TBC1D4: variants seen among roughly 807,000 people sequenced by gnomAD.
The protein encoded by TBC1D4 is TBC (Tre-2, BUB2, CDC16) domain-containing protein.
A neutral mutation model predicts 142.5 loss-of-function variants in TBC1D4; 121 were observed. That is an observed-to-expected ratio of 0.85 (90% CI 0.73 to 0.99). The LOEUF (loss-of-function observed/expected upper bound fraction) is 0.99. Ranked by LOEUF, TBC1D4 falls within the 50% of genes least tolerant of loss-of-function variation. The pLI is 0.00. For missense variants in TBC1D4, 1,475 were observed against 1,606.6 expected (o/e 0.92, Z 1.40); for synonymous variants, 630 against 628.2 (o/e 1.00, Z -0.04).
At chr13:75,415,705 G>A (rs1246956362) in intron 1 of TBC1D4, among the ~76,000 whole-genome samples, 1 of 152,146 alleles carries the variant, frequency 6.6e-6, no homozygotes, top group Non-Finnish European at 1.5e-5. Flanking sequence ...CTTGAAATCG[G>A]AGACATAAAG....
At chr13:75,290,218 A>T (rs1875147049) in intron 19 of TBC1D4, among the ~76,000 whole-genome samples, 1 of 152,126 alleles carries the variant, frequency 6.6e-6, no homozygotes, top group African/African-American at 2.4e-5. Flanking sequence ...ATGTAATACA[A>T]AGTTTCAAAG....
intron 1 of TBC1D4, among the ~76,000 whole-genome samples, chr13:75,379,487 T>A (rs1190938052): frequency 6.6e-6 from 1 of 152,190 alleles, no homozygotes. Context: ...TCTGTCACAA[T>A]GCCTAACATG....
intron 1 of TBC1D4, among the ~76,000 whole-genome samples, chr13:75,378,655 T>C (rs548168535): frequency 2.7e-5 from 4 of 150,842 alleles, no homozygotes; most frequent in African/African-American, 9.8e-5. Context: ...ATTCAATAAT[T>C]CTTATTCTCA....
chr13:75,454,136 C>T (rs1887638034), intron 1 of TBC1D4, among the ~76,000 whole-genome samples: 1 of 151,908 alleles, frequency 6.6e-6, no homozygotes, highest in African/African-American at 2.4e-5. Flanking sequence ...ATCTTCCTAC[C>T]TCAGCCCCCT....
chr13:75,351,511 T>C (rs1372126009), intron 4 of TBC1D4, among the ~76,000 whole-genome samples: 4 of 152,130 alleles, frequency 2.6e-5, no homozygotes, highest in African/African-American at 9.7e-5. Flanking sequence ...GTTGGTGTGC[T>C]GCACCCATTA....
At position 75,350,304 on chromosome 13, in the gene TBC1D4, A is replaced by G. The variant is rs113344576; in HGVS notation, c.1276-1002T>C. ...CCCCTATGGCCTGATTTAAGAATAA[A>G]TTATTATTTAAAGAATGTAATCTAC... On this transcript the variant is annotated intron_variant, in intron 4 of 20. Transcript: ENST00000377636. 6.2e-4 allele frequency among the ~76,000 whole-genome samples: 94 copies of G among 152,298 alleles called. 2 individuals are homozygous for G. Among genetic ancestry groups the G allele is most frequent in the African/African-American group, 2.1e-3 (86 of 41,574 alleles).
In TBC1D4 at chr13:75,402,654, A is replaced by AACACACACACACAC. The variant is rs56176942; in HGVS notation, c.499-40061_499-40048dup. Among the ~76,000 whole-genome samples, 25 of 142,460 alleles carry AACACACACACACAC rather than the reference A, an allele frequency of 1.8e-4. 1 individual carries two copies. Among genetic ancestry groups the AACACACACACACAC allele is most frequent in the East Asian group, 6.4e-4 (3 of 4,692 alleles). The allele number at this position is 142,460 out of a possible 152,430, so 93.5% of individuals were successfully genotyped here. On this transcript the variant is annotated intron_variant, in intron 1 of 20. Transcript: ENST00000377636. ...TCCATGTGGTCTTCCATCCCTAGTA[A>AACACACACACACAC]ACACACACACACACACACACACACA...
At chr13:75,394,106 T>C (rs74903169) in intron 1 of TBC1D4, among the ~76,000 whole-genome samples, 2,971 of 152,294 alleles carry the variant, frequency 0.02, 71 homozygotes, top group African/African-American at 0.051. Context: ...ATCTCATATA[T>C]ACAGCTAATA....
chr13:75,338,884 T>A (rs1880440707), intron 7 of TBC1D4, among the ~76,000 whole-genome samples: 1 of 152,224 alleles, frequency 6.6e-6, no homozygotes, highest in South Asian at 2.1e-4. Context: ...CCTGACGTTG[T>A]TCACAGCAAC....
chr13:75,464,869 C>T (rs766630435), intron 1 of TBC1D4, among the ~76,000 whole-genome samples: 1 of 152,208 alleles, frequency 6.6e-6, no homozygotes, highest in Non-Finnish European at 1.5e-5. Flanking sequence ...GAAAACAGAA[C>T]TGAAGAAACT....
chr13:75,420,190 G>A (rs1886103541), intron 1 of TBC1D4, among the ~76,000 whole-genome samples: 1 of 152,170 alleles, frequency 6.6e-6, no homozygotes, highest in Non-Finnish European at 1.5e-5. Flanking sequence ...TTCCAGAAGG[G>A]GTGGGGGACT....
intron 1 of TBC1D4, among the ~76,000 whole-genome samples, chr13:75,443,136 T>G (rs887491872): frequency 6.6e-6 from 1 of 152,238 alleles, no homozygotes; most frequent in Non-Finnish European, 1.5e-5. Context: ...TGCAGCCAGA[T>G]GCACAAGTGA....
intron 1 of TBC1D4, among the ~76,000 whole-genome samples, chr13:75,470,434 A>G (rs1028435531): frequency 1.6e-4 from 25 of 152,268 alleles, no homozygotes; most frequent in African/African-American, 5.1e-4. Context: ...AATTTAAGAT[A>G]CCACCCTAGA....
intron 1 of TBC1D4, among the ~76,000 whole-genome samples, chr13:75,419,039 A>G (rs952611022): frequency 2.6e-5 from 4 of 152,094 alleles, no homozygotes; most frequent in African/African-American, 4.8e-5. Flanking sequence ...TTGTGTAACT[A>G]TTAATTGTTT....
chr13:75,366,046 G>A (rs1310551763), intron 1 of TBC1D4, among the ~76,000 whole-genome samples: 1 of 151,924 alleles, frequency 6.6e-6, no homozygotes, highest in Non-Finnish European at 1.5e-5. Flanking sequence ...GACTCTAAAT[G>A]TTATAGAGCA....
At chr13:75,307,494 C>A (rs535322006) in intron 14 of TBC1D4, among the ~76,000 whole-genome samples, 19 of 152,102 alleles carry the variant, frequency 1.2e-4, no homozygotes, top group Non-Finnish European at 1.9e-4. Context: ...TATACTTCTT[C>A]TCTTCATTAG....
At position 75,295,021 on chromosome 13, in the gene TBC1D4, T is replaced by C. The variant is rs1875758395; in HGVS notation, c.3157-8A>G. On this transcript the variant is annotated splice_region_variant and splice_polypyrimidine_tract_variant and intron_variant, in intron 17 of 20. Transcript: ENST00000377636. Reference sequence around the variant, plus strand: ...CAGCTGGTACATTTGAATCTAAAGTTAATTTGGAGAAGAAAAAAAATATTA... The same window carrying C: ...CAGCTGGTACATTTGAATCTAAAGTCAATTTGGAGAAGAAAAAAAATATTA... 3 of 1,613,336 alleles carry C rather than the reference T, an allele frequency of 1.9e-6. No homozygotes were observed. The highest frequency in any genetic ancestry group is 2.5e-6 in the Non-Finnish European group (3 of 1,179,528).
At position 75,326,383 on chromosome 13, in the gene TBC1D4, G is replaced by A. The variant is rs757913995; in HGVS notation, c.1847C>T (p.Ala616Val). Residue 616 changes from alanine (A) to valine (V), a missense_variant, in exon 10 of 21, where the codon GCG becomes GTG. Physicochemically the swap from Ala to Val is moderately conservative, Grantham distance 64. Coordinates refer to ENST00000377636, the MANE Select transcript of TBC1D4 (RefSeq NM_014832.5). ...PGDSPPGTPP[A>V]SPPSSAWQTF... Reference sequence around the variant, plus strand: ...TTGCCAAGCTGAGGACGGTGGGGACGCTGGCGGTGTCCCTGGTGGAGAATC... The same window carrying A: ...TTGCCAAGCTGAGGACGGTGGGGACACTGGCGGTGTCCCTGGTGGAGAATC... 4.3e-6 allele frequency: 7 copies of A among 1,614,000 alleles called. No individual in the cohort carries two copies. The highest frequency in any genetic ancestry group is 2.2e-5 in the East Asian group (1 of 44,870).
At chr13:75,319,677 T>G (rs535159673) in intron 12 of TBC1D4, among the ~76,000 whole-genome samples, 1 of 152,338 alleles carries the variant, frequency 6.6e-6, no homozygotes, top group East Asian at 1.9e-4. Context: ...TAAACTCCAC[T>G]TAGGCACATA....
Sources: allele counts gnomAD v4.1 joint callset (sites outside exome capture counted in the v4.1 genomes callset), GRCh38; gene constraint gnomAD v4.1.1; transcripts MANE v1.5; gene names NCBI Gene and HGNC (gene_info 2026-07-23, HGNC 2026-07-21).